Variants in WDR44 observed in about 807,000 individuals in gnomAD.
The protein encoded by WDR44 is WD repeat domain 44.
In WDR44, 9 loss-of-function variants were observed where a neutral mutation model predicts 65.7. That is an observed-to-expected ratio of 0.14 (90% CI 0.08 to 0.24). WDR44 has a LOEUF of 0.24. Ranked by LOEUF, WDR44 falls within the 10% of genes least tolerant of loss-of-function variation. WDR44 has a pLI of 1.00. For synonymous variants in WDR44, 220 were observed against 235.2 expected (o/e 0.94, Z 0.59); for missense variants, 425 against 670.9 (o/e 0.63, Z 4.05).
At chrX:118,387,120 T>G (rs2056775897) in intron 2 of WDR44, among the ~76,000 whole-genome samples, 1 of 101,917 alleles carries the variant, frequency 9.8e-6, no homozygotes, top group Admixed American at 1.1e-4. Flanking sequence ...AAGCAGAGGT[T>G]GCAGTGAGCC....
intron 10 of WDR44, 96 bp from the exon 11 acceptor site, chrX:118,409,393 G>T (rs965707620): frequency 1.0e-6 from 1 of 960,981 alleles, no homozygotes; most frequent in Non-Finnish European, 1.4e-6. Context: ...GCCTCCCAAA[G>T]TGCTGAGATT....
At chrX:118,440,984 G>A (rs772629476) in intron 14 of WDR44, among the ~76,000 whole-genome samples, 3 of 68,905 alleles carry the variant, frequency 4.4e-5, no homozygotes, top group South Asian at 9.7e-4. Flanking sequence ...TTTTTGAGAC[G>A]GAGTCTCACT....
chrX:118,448,441 G>A (rs1272240910), intron 19 of WDR44, among the ~76,000 whole-genome samples: 1 of 111,891 alleles, frequency 8.9e-6, no homozygotes, highest in Non-Finnish European at 1.9e-5. Flanking sequence ...TTTCATGGCA[G>A]TTTCAGTATG....
intron 2 of WDR44, 142 bp from the exon 3 acceptor site, chrX:118,387,198 A>G (rs1329171743): frequency 3.0e-6 from 1 of 333,056 alleles, no homozygotes; most frequent in Non-Finnish European, 5.1e-6. Context: ...AAAAAAAAAA[A>G]AAAAAGAAGA....
chrX:118,416,909 C>T (rs897673030), intron 12 of WDR44, among the ~76,000 whole-genome samples: 8 of 111,700 alleles, frequency 7.2e-5, no homozygotes, highest in Admixed American at 9.6e-5. Context: ...TGATATTTTC[C>T]TGTTGGACAA....
At chrX:118,347,467 T>C (rs1359650123) in intron 1 of WDR44, among the ~76,000 whole-genome samples, 1 of 112,187 alleles carries the variant, frequency 8.9e-6, no homozygotes, top group East Asian at 2.8e-4. Context: ...AAAGTTGGGG[T>C]AGTGCTTTAA....
intron 14 of WDR44, among the ~76,000 whole-genome samples, chrX:118,439,982 T>C (rs1266190882): frequency 9.4e-6 from 1 of 106,943 alleles, no homozygotes; most frequent in African/African-American, 3.4e-5. Context: ...TAGCCCGGTA[T>C]GGTGGTGTGC....
chrX:118,424,323 G>GTGTATATATATATATATA (rs1289349202), intron 12 of WDR44, among the ~76,000 whole-genome samples: 1 of 65,550 alleles, frequency 1.5e-5, no homozygotes, highest in African/African-American at 9.9e-5. Flanking sequence ...GTGTGTGTGT[G>GTGTATATATATATATATA]TATATATATA....
chrX:118,412,268 G>C (rs1383664594), intron 12 of WDR44, among the ~76,000 whole-genome samples: 1 of 111,674 alleles, frequency 9.0e-6, no homozygotes, highest in Non-Finnish European at 1.9e-5. Flanking sequence ...ATTGGTGGGA[G>C]AGGTAGGCAG....
chrX:118,397,298 T>C (rs1299980420), intron 7 of WDR44, among the ~76,000 whole-genome samples, 192 bp downstream of exon 7: 1 of 111,275 alleles, frequency 9.0e-6, no homozygotes, highest in Non-Finnish European at 1.9e-5. Context: ...TTGGGGAAAA[T>C]AGTATAAATA....
chrX:118,434,139 A>T lies in WDR44; in HGVS notation c.1851+1245A>T, dbSNP rs937423419. Among the ~76,000 whole-genome samples, 78 of 112,447 alleles carry T rather than the reference A, an allele frequency of 6.9e-4. 1 individual carries two copies. The Admixed American group carries it at 7.4e-3, about 11-fold the overall frequency. ...GACACGTTGAAAGATTTAAGAAATC[A>T]TAAATTTTTTATACTTTCCGTTTTA... is the stretch of plus-strand genomic sequence containing the variant. On this transcript the variant is annotated intron_variant, in intron 13 of 19. Coordinates refer to ENST00000254029, the MANE Select transcript of WDR44 (RefSeq NM_019045.5).
chrX:118,440,949 CTTTTTTTTTTTTT>C (rs1214126337), intron 14 of WDR44, among the ~76,000 whole-genome samples: 3 of 50,366 alleles, frequency 6.0e-5, no homozygotes, highest in African/African-American at 1.8e-4. Context: ...TAAATGAAAT[CTTTTTTTTTTTTT>C]TTTTTTTTTT....
At position 118,448,908 on chromosome X, in the gene WDR44, A is replaced by G; in HGVS notation, c.2663A>G (p.Asp888Gly). 5.0e-6 allele frequency: 6 copies of G among 1,193,839 alleles called. No homozygotes were observed. The highest frequency in any genetic ancestry group is 6.8e-6 in the Non-Finnish European group (6 of 885,166). Residue 888 changes from aspartate (D) to glycine (G), a missense_variant, in exon 20 of 20, where the codon GAT (aspartate) becomes GGT (glycine). Transcript: ENST00000254029. ...TACTTTTAAGGTATTATGAAGACAG[A>G]TAACACAGAAGTTCTTCTCTCTGCT... is the stretch of plus-strand genomic sequence containing the variant. ...DATPSGIMKT[D>G]NTEVLLSADF...
At chrX:118,383,941 A>G (rs1292388803) in intron 2 of WDR44, among the ~76,000 whole-genome samples, 2 of 93,242 alleles carry the variant, frequency 2.1e-5, no homozygotes, top group African/African-American at 4.2e-5. Context: ...ATGCAGTGGC[A>G]TTATCATAGC....
intron 13 of WDR44, among the ~76,000 whole-genome samples, chrX:118,435,667 T>C (rs1338286499): frequency 8.9e-5 from 10 of 112,877 alleles, no homozygotes; most frequent in Non-Finnish European, 1.9e-4. Context: ...AACAGGAAAT[T>C]ATAATGCAAA....
intron 1 of WDR44, among the ~76,000 whole-genome samples, chrX:118,350,116 TG>T (rs1296664388): frequency 1.8e-5 from 2 of 112,061 alleles, no homozygotes; most frequent in South Asian, 3.7e-4. Context: ...TTTGTTCTCT[TG>T]GCAAGAAATT....
intron 1 of WDR44, among the ~76,000 whole-genome samples, chrX:118,376,204 C>T (rs1370232106): frequency 1.8e-5 from 2 of 111,785 alleles, no homozygotes; most frequent in African/African-American, 3.3e-5. Context: ...TCCCAAAGTG[C>T]TGGGATTACA....
intron 1 of WDR44, among the ~76,000 whole-genome samples, chrX:118,367,621 C>T (rs762125789): frequency 1.3e-4 from 14 of 111,556 alleles, no homozygotes; most frequent in Non-Finnish European, 2.6e-4. Context: ...TTCACTAGGC[C>T]TTAGCATAAG....
At chrX:118,428,060 G>T (rs1372781731) in intron 12 of WDR44, among the ~76,000 whole-genome samples, 1 of 109,627 alleles carries the variant, frequency 9.1e-6, no homozygotes, top group Non-Finnish European at 1.9e-5. Flanking sequence ...GGCCGAGGTG[G>T]GTGGATCAGT....
Sources: allele counts gnomAD v4.1 joint callset (sites outside exome capture counted in the v4.1 genomes callset), GRCh38; gene constraint gnomAD v4.1.1; transcripts MANE v1.5; gene names NCBI Gene and HGNC (gene_info 2026-07-23, HGNC 2026-07-21).